Variants in FNIP1 observed in about 807,000 individuals in gnomAD.
FNIP1 encodes folliculin interacting protein 1.
A neutral mutation model predicts 124.5 loss-of-function variants in FNIP1; 40 were observed. The ratio of observed to expected loss-of-function variants is 0.32; its 90% CI spans 0.25 to 0.42. The LOEUF is 0.42. Among genes scored for constraint, FNIP1 ranks in the 10% least tolerant of loss-of-function variants. FNIP1 has a pLI of 1.00. For synonymous variants in FNIP1, 472 were observed against 470.6 expected (o/e 1.00, Z -0.04); for missense variants, 1,176 against 1,403.7 (o/e 0.84, Z 2.59).
rs192562178 is a variant in FNIP1, at chr5:131,678,790, A to G, written c.1349+239T>C. 3.0e-3 allele frequency among the ~76,000 whole-genome samples: 463 copies of G among 152,340 alleles called. 2 individuals carry two copies. The highest frequency in any genetic ancestry group is 0.01 in the African/African-American group (431 of 41,570). On this transcript the variant is annotated intron_variant, in intron 12 of 17. Coordinates refer to ENST00000510461, the MANE Select transcript of FNIP1 (RefSeq NM_133372.3). ...CTCACAAAAAAATGGGCAGCCTCAGATAATTCTACAATATGTCAGGAATTT... is the reference window on the plus strand; with the variant it reads ...CTCACAAAAAAATGGGCAGCCTCAGGTAATTCTACAATATGTCAGGAATTT...
At chr5:131,716,970 C>A (rs1008234625) in intron 5 of FNIP1, among the ~76,000 whole-genome samples, 10 of 150,808 alleles carry the variant, frequency 6.6e-5, no homozygotes, top group Admixed American at 2.0e-4. Flanking sequence ...GCTCACAAAG[C>A]CAAAAAAATA....
At chr5:131,666,441 A>G (rs1339258817) in intron 15 of FNIP1, among the ~76,000 whole-genome samples, 1 of 152,228 alleles carries the variant, frequency 6.6e-6, no homozygotes, top group East Asian at 1.9e-4. Context: ...ATCCAAGAGC[A>G]ACAGACCTGG....
intron 11 of FNIP1, among the ~76,000 whole-genome samples, chr5:131,692,328 A>G (rs1768509289): frequency 6.6e-6 from 1 of 151,888 alleles, no homozygotes; most frequent in South Asian, 2.1e-4. Flanking sequence ...CCCCCCAAAA[A>G]ACATGTATAA....
At chr5:131,766,981 G>A (rs969431872) in intron 1 of FNIP1, among the ~76,000 whole-genome samples, 5 of 151,950 alleles carry the variant, frequency 3.3e-5, no homozygotes, top group African/African-American at 9.7e-5. Context: ...AATCTCCTCG[G>A]GAAACACTCT....
intron 11 of FNIP1, among the ~76,000 whole-genome samples, chr5:131,696,435 C>A (rs929912444): frequency 1.3e-5 from 2 of 151,706 alleles, no homozygotes; most frequent in Admixed American, 1.3e-4. Flanking sequence ...GTGAAGATGC[C>A]AGTAAACTAA....
At chr5:131,760,704 G>A (rs1040379793) in intron 1 of FNIP1, among the ~76,000 whole-genome samples, 3 of 152,082 alleles carry the variant, frequency 2.0e-5, no homozygotes, top group East Asian at 1.9e-4. Context: ...CTGAAAACAC[G>A]GAAGGTGATA....
intron 1 of FNIP1, among the ~76,000 whole-genome samples, chr5:131,779,079 T>C (rs1327003355): frequency 7.1e-6 from 1 of 140,268 alleles, no homozygotes; most frequent in African/African-American, 2.7e-5. Flanking sequence ...CGCACCAGCA[T>C]GGCACATGTA....
chr5:131,719,427 A>C lies in FNIP1; in HGVS notation c.355-10T>G, dbSNP rs1343996647. 1.9e-6 allele frequency: 3 copies of C among 1,591,180 alleles called. No homozygotes were observed. Among genetic ancestry groups the C allele is most frequent in the Non-Finnish European group, 1.7e-6 (2 of 1,172,350 alleles). On this transcript the variant is annotated splice_polypyrimidine_tract_variant and intron_variant, in intron 3 of 17. Coordinates refer to ENST00000510461, the MANE Select transcript of FNIP1 (RefSeq NM_133372.3). ...AAGAGCACCGAGAACCCTAAACAAT[A>C]ACCACATATTAACAAACTGTGTTAA...
intron 1 of FNIP1, among the ~76,000 whole-genome samples, chr5:131,783,036 C>G (rs1772047926): frequency 6.6e-6 from 1 of 152,236 alleles, no homozygotes; most frequent in Non-Finnish European, 1.5e-5. Context: ...ACACACTTAA[C>G]AGACTACAGC....
intron 1 of FNIP1, among the ~76,000 whole-genome samples, chr5:131,752,513 T>C (rs1003814923): frequency 1.4e-5 from 2 of 143,584 alleles, no homozygotes; most frequent in African/African-American, 2.6e-5. Context: ...AGTTGGACTT[T>C]ATAAAAATTT....
chr5:131,729,322 G>T (rs1769995655), intron 3 of FNIP1, among the ~76,000 whole-genome samples: 1 of 152,174 alleles, frequency 6.6e-6, no homozygotes, highest in African/African-American at 2.4e-5. Context: ...CCAGGGAGAT[G>T]GGAGTTTTAT....
intron 13 of FNIP1, 49 bp downstream of exon 13, chr5:131,677,654 A>G (rs1417155025): frequency 6.7e-7 from 1 of 1,482,264 alleles, no homozygotes; most frequent in East Asian, 2.3e-5. Flanking sequence ...AATTACAGAT[A>G]GCTACAAAAA....
chr5:131,795,871 T>A (rs1772571406), intron 1 of FNIP1: 2 of 152,348 alleles, frequency 1.3e-5, no homozygotes, highest in South Asian at 4.1e-4. Context: ...CCTACCAAGT[T>A]TAAAACGTGT....
chr5:131,750,356 A>G (rs1309806499), intron 1 of FNIP1, among the ~76,000 whole-genome samples: 2 of 152,154 alleles, frequency 1.3e-5, no homozygotes, highest in Non-Finnish European at 2.9e-5. Flanking sequence ...AGGAGGCTAT[A>G]ATCACAGGGC....
intron 12 of FNIP1, 148 bp from the exon 13 acceptor site, chr5:131,678,020 T>A (rs1767961542): frequency 1.6e-6 from 1 of 619,648 alleles, no homozygotes; most frequent in Non-Finnish European, 2.6e-6. Flanking sequence ...AGGATGAGTA[T>A]ATAACACCAA....
rs1186053495 is a variant in FNIP1, at chr5:131,712,206, C to T, written c.623-1545G>A. ...GTTCCTTCCTCCCTTCCAAAGTTAA[C>T]TCTAAGTCAGCTAGGACCCCAATCC... On this transcript the variant is annotated intron_variant, in intron 6 of 17. Transcript: ENST00000510461. Among the ~76,000 whole-genome samples, 13 of 151,790 alleles carry T rather than the reference C, an allele frequency of 8.6e-5. 1 individual carries two copies. Among genetic ancestry groups the T allele is most frequent in the Admixed American group, 7.9e-4 (12 of 15,262 alleles).
intron 1 of FNIP1, among the ~76,000 whole-genome samples, chr5:131,776,052 C>A (rs1239025762): frequency 6.6e-6 from 1 of 152,120 alleles, no homozygotes; most frequent in African/African-American, 2.4e-5. Flanking sequence ...ATGCTATGTT[C>A]ATATCTTAAC....
At chr5:131,709,357 C>T (rs1769217271) in intron 7 of FNIP1, 85 bp from the exon 8 acceptor site, 1 of 1,134,504 alleles carries the variant, frequency 8.8e-7, no homozygotes, top group African/African-American at 1.5e-5. Flanking sequence ...CAAACGAAAT[C>T]ATGCTCATCT....
At chr5:131,652,312 G>A (rs1184300901) in intron 15 of FNIP1, among the ~76,000 whole-genome samples, 2 of 152,172 alleles carry the variant, frequency 1.3e-5, no homozygotes, top group Non-Finnish European at 2.9e-5. Context: ...TATGTGCCAG[G>A]CAATTGAAAG....
Sources: allele counts gnomAD v4.1 joint callset (sites outside exome capture counted in the v4.1 genomes callset), GRCh38; gene constraint gnomAD v4.1.1; transcripts MANE v1.5; gene names NCBI Gene and HGNC (gene_info 2026-07-23, HGNC 2026-07-21).